Variants in CLASP1 observed in about 807,000 individuals in gnomAD.
CLASP1 encodes the protein CLIP-associating protein 1.
CLASP1 carries 38 observed loss-of-function variants against 192.3 expected under a neutral mutation model. The observed-to-expected ratio is 0.20, with a 90% CI of 0.15 to 0.26. The LOEUF is 0.26. Ranked by LOEUF, CLASP1 falls within the 10% of genes least tolerant of loss-of-function variation. The pLI, the probability that CLASP1 is intolerant of heterozygous loss-of-function variation, is 1.00. For missense variants in CLASP1, 1,433 were observed against 1,932.5 expected (o/e 0.74, Z 4.85); for synonymous variants, 691 against 712.8 (o/e 0.97, Z 0.49).
At chr2:121,358,342 G>C (rs1379651309) in intron 37 of CLASP1, among the ~76,000 whole-genome samples, 2 of 152,118 alleles carry the variant, frequency 1.3e-5, no homozygotes, top group South Asian at 4.1e-4. Context: ...CACTTGATAG[G>C]GTAAGAGATA....
At chr2:121,585,210 G>T (rs2061586141) in intron 2 of CLASP1, among the ~76,000 whole-genome samples, 1 of 152,178 alleles carries the variant, frequency 6.6e-6, no homozygotes, top group Non-Finnish European at 1.5e-5. Context: ...ATTATAAATT[G>T]CCTATTTTAC....
rs1179701969 is a variant in CLASP1, at chr2:121,425,409, A to G, written c.2045-103T>C. 6 of 902,894 alleles carry G rather than the reference A, an allele frequency of 6.6e-6. No individual in the cohort carries two copies. In the East Asian group the frequency reaches 1.5e-4, roughly 23 times the overall value. The allele number at this position is 902,894 out of a possible 1,614,324, so 55.9% of individuals were successfully genotyped here. A position where few individuals can be genotyped will look rare whatever the true frequency, so the allele number is the denominator to read the frequency against. Reference sequence around the variant, plus strand: ...TTACACATTAATTTGGCTAAAATACACAATTTTATATAAAAATAAATTTTT... The same window carrying G: ...TTACACATTAATTTGGCTAAAATACGCAATTTTATATAAAAATAAATTTTT... On this transcript the variant is annotated intron_variant, in intron 21 of 39. Transcript: ENST00000263710.
At chr2:121,537,673 T>C (rs746103082) in intron 2 of CLASP1, among the ~76,000 whole-genome samples, 9 of 152,228 alleles carry the variant, frequency 5.9e-5, no homozygotes, top group Non-Finnish European at 1.3e-4. Context: ...CTGTAAAATA[T>C]ACCTTTCTAG....
chr2:121,375,420 G>A (rs997158844), intron 34 of CLASP1, among the ~76,000 whole-genome samples: 3 of 144,614 alleles, frequency 2.1e-5, no homozygotes, highest in Non-Finnish European at 3.0e-5. Flanking sequence ...CTGGAATGCA[G>A]TGGCACGATC....
intron 37 of CLASP1, among the ~76,000 whole-genome samples, chr2:121,352,282 G>A (rs2064606293): frequency 1.3e-5 from 2 of 152,262 alleles, no homozygotes; most frequent in South Asian, 4.1e-4. Flanking sequence ...GCACCTCAGT[G>A]AGCAGGCCTT....
intron 32 of CLASP1, 29 bp downstream of exon 33, chr2:121,387,093 A>G (rs749685334): frequency 1.3e-6 from 2 of 1,548,840 alleles, no homozygotes; most frequent in Non-Finnish European, 1.8e-6. Flanking sequence ...GTTTCTTTAC[A>G]TCTGTGGAAA....
intron 1 of CLASP1, among the ~76,000 whole-genome samples, chr2:121,623,126 G>A (rs552574610): frequency 5.1e-4 from 77 of 151,864 alleles, no homozygotes; most frequent in Non-Finnish European, 9.0e-4. Context: ...CCTAATCTTA[G>A]GACAGCATTC....
chr2:121,415,071 C>T (rs777411092), intron 23 of CLASP1, among the ~76,000 whole-genome samples: 3 of 152,142 alleles, frequency 2.0e-5, no homozygotes, highest in African/African-American at 2.4e-5. Flanking sequence ...TGAGCCGCTA[C>T]GCCTGGCCAT....
Position 121,437,594 on chromosome 2 carries a change from A to G in CLASP1, c.1913-7417T>C, listed in dbSNP as rs114266033. Among the ~76,000 whole-genome samples, 672 of 152,342 alleles carry G rather than the reference A, an allele frequency of 4.4e-3. 3 individuals carry two copies. The highest frequency in any genetic ancestry group is 0.015 in the African/African-American group (628 of 41,580). On this transcript the variant is annotated intron_variant, in intron 19 of 39. Coordinates refer to ENST00000263710, the Ensembl canonical transcript of CLASP1. ...ACGTAAACTCTGACCAGAATCCTGC[A>G]TCAAGATTTTGGTTGCACATTCTCG... is the stretch of plus-strand genomic sequence containing the variant.
At chr2:121,496,164 A>G (rs1412530800) in intron 8 of CLASP1, among the ~76,000 whole-genome samples, 1 of 152,246 alleles carries the variant, frequency 6.6e-6, no homozygotes, top group Non-Finnish European at 1.5e-5. Context: ...TTTGGCATAC[A>G]CAGTCACCAT....
chr2:121,419,726 A>C (rs894674462), intron 22 of CLASP1, among the ~76,000 whole-genome samples: 2 of 152,172 alleles, frequency 1.3e-5, no homozygotes, highest in Non-Finnish European at 2.9e-5. Flanking sequence ...ATGGAAATAC[A>C]TTACTGGGAA....
chr2:121,530,333 G>T lies in CLASP1; in HGVS notation c.196-8C>A. 1 of 1,546,946 alleles carries T rather than the reference G, an allele frequency of 6.5e-7. No individual in the cohort carries two copies. Among genetic ancestry groups the T allele is most frequent in the Non-Finnish European group, 8.7e-7 (1 of 1,144,246 alleles). On this transcript the variant is annotated splice_region_variant and splice_polypyrimidine_tract_variant and intron_variant, in intron 2 of 39. Coordinates refer to ENST00000263710, the Ensembl canonical transcript of CLASP1. ...CATGCCCAGCAGAACCACCTGCAGC[G>T]GGAAACACCGGGAGCCTGTTAGCAG... is the stretch of plus-strand genomic sequence containing the variant.
chr2:121,626,618 T>C (rs2106171646), intron 1 of CLASP1, among the ~76,000 whole-genome samples: 1 of 152,018 alleles, frequency 6.6e-6, no homozygotes, highest in African/African-American at 2.4e-5. Context: ...AGAGATGGGG[T>C]CTTGCTATGT....
intron 7 of CLASP1, among the ~76,000 whole-genome samples, chr2:121,512,667 G>T (rs767880522): frequency 6.6e-6 from 1 of 152,186 alleles, no homozygotes; most frequent in South Asian, 2.1e-4. Flanking sequence ...CCTAATTCCA[G>T]CTCCTCCAAA....
intron 2 of CLASP1, among the ~76,000 whole-genome samples, chr2:121,579,033 C>T (rs572722513): frequency 1.3e-5 from 2 of 152,356 alleles, no homozygotes; most frequent in East Asian, 3.9e-4. Flanking sequence ...TTCCTTAATA[C>T]AGCCCCATAA....
exon 2 of CLASP1, chr2:121,605,875 G>A (rs751309760): frequency 1.1e-5 from 17 of 1,613,800 alleles, no homozygotes; most frequent in Non-Finnish European, 1.4e-5. Flanking sequence ...GCGCCAGGCA[G>A]GACTCCATGC....
chr2:121,588,638 A>G (rs1027774633), intron 2 of CLASP1, among the ~76,000 whole-genome samples: 2 of 152,218 alleles, frequency 1.3e-5, no homozygotes, highest in Non-Finnish European at 1.5e-5. Flanking sequence ...CTTATGGACA[A>G]GAAATGAAGG....
intron 37 of CLASP1, among the ~76,000 whole-genome samples, chr2:121,355,251 C>T (rs1349522706): frequency 1.3e-5 from 2 of 152,146 alleles, no homozygotes; most frequent in African/African-American, 2.4e-5. Flanking sequence ...CCTCAGCCTC[C>T]GAGTAGCTGG....
intron 2 of CLASP1, among the ~76,000 whole-genome samples, chr2:121,565,781 A>T (rs553341492): frequency 2.0e-5 from 3 of 152,372 alleles, no homozygotes; most frequent in African/African-American, 7.2e-5. Flanking sequence ...TCAAGTCTAG[A>T]TGCTGACAGC....
Sources: allele counts gnomAD v4.1 joint callset (sites outside exome capture counted in the v4.1 genomes callset), GRCh38; gene constraint gnomAD v4.1.1; transcripts MANE v1.5; gene names NCBI Gene and HGNC (gene_info 2026-07-23, HGNC 2026-07-21).